The following PCDH7 variants were observed in gnomAD, a reference collection of about 807,000 sequenced individuals.
PCDH7 encodes the protein protocadherin 7.
PCDH7 carries 17 observed loss-of-function variants against 58.9 expected under a neutral mutation model. The ratio of observed to expected loss-of-function variants is 0.29; its 90% confidence interval spans 0.20 to 0.43. PCDH7 has a LOEUF of 0.43. Among genes scored for constraint, PCDH7 ranks in the 20% least tolerant of loss-of-function variants. The pLI is 1.00. For missense variants in PCDH7, 1,274 were observed against 1,441.0 expected, an observed-to-expected ratio of 0.88 and a Z score of 1.88; for synonymous variants, 664 against 616.4, an observed-to-expected ratio of 1.08 and a Z score of -1.14.
downstream of PCDH7, chr4:31,146,590 T>C (rs1720693969): frequency 6.6e-6 from 1 of 152,122 alleles, no homozygotes; most frequent in Non-Finnish European, 1.5e-5. Flanking sequence ...GCTACTTGGA[T>C]GTTGATAGTG....
intron 3 of PCDH7, among the ~76,000 whole-genome samples, chr4:31,137,299 C>A (rs1362597047): frequency 6.6e-6 from 1 of 152,142 alleles, no homozygotes; most frequent in African/African-American, 2.4e-5. Flanking sequence ...AAAGAAATAC[C>A]AGGCCGGGAG....
chr4:30,920,332 G>T, exon 2 of PCDH7: 1 of 1,367,476 alleles, frequency 7.3e-7, no homozygotes. Context: ...GGACCACGCC[G>T]GATGGCAGTG....
At chr4:30,773,113 G>A (rs1472926138) in intron 1 of PCDH7, among the ~76,000 whole-genome samples, 1 of 152,156 alleles carries the variant, frequency 6.6e-6, no homozygotes, top group African/African-American at 2.4e-5. Flanking sequence ...ATCTTGGCCA[G>A]CCTGGTCTCA....
At position 30,937,053 on chromosome 4, in the gene PCDH7, A is replaced by G. The variant is rs1161421588; in HGVS notation, c.288-13067A>G. On this transcript the variant is annotated intron_variant, in intron 2 of 3. Coordinates refer to the PCDH7 transcript ENST00000509759. ...ACTCAATGGGAAGAGGCATAAGAAA[A>G]TATTGCATTAAGAGCCTGATTCTGG... Among the ~76,000 whole-genome samples the G allele has an allele frequency of 2.0e-5, 3 of 152,004 alleles. No homozygotes were observed. In the East Asian group the frequency reaches 5.8e-4, roughly 29 times the overall value.
chr4:30,828,343 C>T (rs904426236), intron 1 of PCDH7, among the ~76,000 whole-genome samples: 2 of 151,960 alleles, frequency 1.3e-5, no homozygotes, highest in South Asian at 2.1e-4. Flanking sequence ...GTAACTACCA[C>T]GAGTTTGGTT....
At chr4:30,966,627 T>A (rs966021344) in intron 3 of PCDH7, among the ~76,000 whole-genome samples, 8 of 152,068 alleles carry the variant, frequency 5.3e-5, no homozygotes, top group Non-Finnish European at 8.8e-5. Flanking sequence ...CAGGGATGTG[T>A]TTAGTTTCAA....
chr4:30,827,805 A>G (rs1485582449), intron 1 of PCDH7, among the ~76,000 whole-genome samples: 3 of 152,108 alleles, frequency 2.0e-5, no homozygotes, highest in African/African-American at 7.2e-5. Flanking sequence ...ATAGATGTCA[A>G]TTCTGGAAAA....
In PCDH7 at chr4:30,988,196, G is replaced by A. The variant is rs554178352; in HGVS notation, c.*7+37981G>A. On this transcript the variant is annotated intron_variant, in intron 3 of 3. Transcript: ENST00000509759. ...ACATCATGGTAGGCAGAAACTGCAC[G>A]ATAGTACCATGTGATAGGAAATGAG... 6.6e-5 allele frequency among the ~76,000 whole-genome samples: 10 copies of A among 152,240 alleles called. 1 individual carries two copies. In the South Asian group the frequency reaches 2.1e-3, roughly 32 times the overall value.
chr4:31,121,444 T>G (rs2109324121), intron 3 of PCDH7, among the ~76,000 whole-genome samples: 1 of 152,332 alleles, frequency 6.6e-6, no homozygotes, highest in Non-Finnish European at 1.5e-5. Context: ...AATAATTAAT[T>G]TAAGAATAAC....
intron 3 of PCDH7, among the ~76,000 whole-genome samples, chr4:31,126,103 G>A (rs1171791028): frequency 6.7e-6 from 1 of 149,640 alleles, no homozygotes; most frequent in African/African-American, 2.5e-5. Flanking sequence ...CTATTTCTTA[G>A]AACAGTGCTT....
chr4:30,733,413 G>C (rs1399543235), downstream of PCDH7, among the ~76,000 whole-genome samples: 2 of 152,044 alleles, frequency 1.3e-5, no homozygotes, highest in Non-Finnish European at 2.9e-5. Flanking sequence ...ATATTATAAA[G>C]ATGATAACAG....
At chr4:30,807,311 A>G (rs116444525) in intron 1 of PCDH7, among the ~76,000 whole-genome samples, 2,106 of 152,314 alleles carry the variant, frequency 0.014, 58 homozygotes, top group African/African-American at 0.048. Flanking sequence ...ATAAAATACA[A>G]AAAAAGACGT....
At chr4:30,884,283 T>C (rs1308901338) in intron 1 of PCDH7, among the ~76,000 whole-genome samples, 1 of 152,102 alleles carries the variant, frequency 6.6e-6, no homozygotes, top group Non-Finnish European at 1.5e-5. Context: ...GCAGGAAGTA[T>C]TTTGCACAAG....
rs372673201 is a variant in PCDH7, at chr4:30,994,891, A to G, written c.*7+44676A>G. The stretch of plus-strand genomic sequence containing the variant: ...TTAATGTAGCAATTGTTAGCCAATC[A>G]TGACAATTAAGCAGTTGAAATGTGG... On this transcript the variant is annotated intron_variant, in intron 3 of 3. Transcript: ENST00000509759. Among the ~76,000 whole-genome samples the G allele has an allele frequency of 1.1e-3, 169 of 152,324 alleles. 6 individuals are homozygous for G. The South Asian group carries it at 0.029, about 26-fold the overall frequency.
At chr4:31,051,835 G>T (rs7657492) in intron 3 of PCDH7, among the ~76,000 whole-genome samples, 45,719 of 146,310 alleles carry the variant, frequency 0.31, 7,283 homozygotes, top group Admixed American at 0.38. Flanking sequence ...GGTGTGTGTG[G>T]GGGGCGGGTA....
At chr4:31,002,421 T>A (rs1387003072) in intron 3 of PCDH7, among the ~76,000 whole-genome samples, 2 of 152,232 alleles carry the variant, frequency 1.3e-5, no homozygotes. Flanking sequence ...ATATTTAATG[T>A]AGACCAGTTT....
intron 3 of PCDH7, among the ~76,000 whole-genome samples, chr4:31,081,983 G>A (rs1711547203): frequency 1.3e-5 from 2 of 152,072 alleles, no homozygotes; most frequent in South Asian, 2.1e-4. Context: ...ATGTTGGCCA[G>A]GCTGGTCTTG....
In PCDH7 at chr4:30,987,686, A is replaced by G. The variant is rs545392648; in HGVS notation, c.*7+37471A>G. 3.3e-5 allele frequency: 5 copies of G among 152,242 alleles called. No homozygotes were observed. In the South Asian group the frequency reaches 6.2e-4, roughly 19 times the overall value. The allele number at this position is 152,242 out of a possible 1,614,324, so 9.4% of individuals were successfully genotyped here. On this transcript the variant is annotated intron_variant, in intron 3 of 3. Coordinates refer to the PCDH7 transcript ENST00000509759. The stretch of plus-strand genomic sequence containing the variant: ...TCAGTTTTCTTTTTTCTAGGGGCCT[A>G]TATAGAATTAAAATAAATGTGAATA...
intron 3 of PCDH7, among the ~76,000 whole-genome samples, chr4:31,059,982 A>G (rs1355908341): frequency 6.6e-6 from 1 of 151,820 alleles, no homozygotes; most frequent in East Asian, 1.9e-4. Context: ...TTGAAGCATA[A>G]TGATGGCTAG....
Sources: allele counts gnomAD v4.1 joint callset (sites outside exome capture counted in the v4.1 genomes callset), GRCh38; gene constraint gnomAD v4.1.1; transcripts MANE v1.5; gene names NCBI Gene and HGNC (gene_info 2026-07-23, HGNC 2026-07-21).